SOHLH2: variants seen among roughly 807,000 people sequenced by gnomAD.
SOHLH2 encodes the protein spermatogenesis- and oogenesis-specific basic helix-loop-helix-containing protein 2.
Under a neutral mutation model 50.4 loss-of-function variants are expected in SOHLH2, and 22 were observed. The ratio of observed to expected loss-of-function variants is 0.44; its 90% confidence interval spans 0.31 to 0.62. SOHLH2 has a LOEUF of 0.62. Ranked by LOEUF, SOHLH2 falls within the 20% of genes least tolerant of loss-of-function variation. SOHLH2 has a pLI of 0.08. For synonymous variants in SOHLH2, 185 were observed against 187.3 expected (o/e 0.99, Z 0.10); for missense variants, 412 against 504.4 (o/e 0.82, Z 1.76).
chr13:36,203,871 CT>C (rs1333560307), intron 1 of SOHLH2, among the ~76,000 whole-genome samples: 2 of 150,706 alleles, frequency 1.3e-5, no homozygotes, highest in East Asian at 3.9e-4. Flanking sequence ...TTTCTTATTG[CT>C]TTGTGGGAGT....
chr13:36,181,926 G>T, intron 6 of SOHLH2: 1 of 678,864 alleles, frequency 1.5e-6, no homozygotes, highest in Non-Finnish European at 1.8e-6. Context: ...TGAAGATAAA[G>T]GGAAATAATA....
intron 1 of SOHLH2, among the ~76,000 whole-genome samples, chr13:36,207,977 CT>C (rs1258440376): frequency 1.3e-5 from 2 of 152,200 alleles, no homozygotes; most frequent in African/African-American, 4.8e-5. Flanking sequence ...TGTTAAGTCA[CT>C]TGTTTATCCT....
chr13:36,184,523 T>A (rs975731276), intron 6 of SOHLH2, among the ~76,000 whole-genome samples: 6 of 145,796 alleles, frequency 4.1e-5, no homozygotes, highest in Non-Finnish European at 9.0e-5. Context: ...ACAGTGGCGC[T>A]ATCTCGGCTC....
At chr13:36,194,546 G>A (rs543984788) in intron 2 of SOHLH2, among the ~76,000 whole-genome samples, 18 of 152,208 alleles carry the variant, frequency 1.2e-4, no homozygotes, top group African/African-American at 4.1e-4. Flanking sequence ...GTGGGTAACC[G>A]CTGAGGCTAC....
chr13:36,187,835 C>T (rs114046706), intron 6 of SOHLH2, among the ~76,000 whole-genome samples: 298 of 152,252 alleles, frequency 2.0e-3, no homozygotes, highest in African/African-American at 6.5e-3. Flanking sequence ...TCATCAGCTG[C>T]GGGGGATTAA....
At chr13:36,214,167 A>C (rs1176258136) in intron 1 of SOHLH2, among the ~76,000 whole-genome samples, 1 of 151,998 alleles carries the variant, frequency 6.6e-6, no homozygotes, top group East Asian at 1.9e-4. Context: ...TTTCTTTATA[A>C]CACGATTCAG....
intron 6 of SOHLH2, among the ~76,000 whole-genome samples, chr13:36,186,978 G>A (rs888111449): frequency 1.3e-5 from 2 of 152,144 alleles, no homozygotes; most frequent in Non-Finnish European, 2.9e-5. Context: ...CAGATTCACA[G>A]GCATGGTCAG....
At chr13:36,207,838 C>G (rs111942031) in intron 1 of SOHLH2, among the ~76,000 whole-genome samples, 1,872 of 152,260 alleles carry the variant, frequency 0.012, 35 homozygotes, top group African/African-American at 0.042. Context: ...TAGACTGGAA[C>G]TATAGATTTT....
chr13:36,174,111 T>C (rs1300070524), intron 8 of SOHLH2, among the ~76,000 whole-genome samples: 1 of 152,128 alleles, frequency 6.6e-6, no homozygotes, highest in Non-Finnish European at 1.5e-5. Flanking sequence ...CTAATTGAAA[T>C]AGGGCTGGAC....
intron 2 of SOHLH2, among the ~76,000 whole-genome samples, chr13:36,201,394 T>G (rs1442040585): frequency 6.6e-6 from 1 of 152,150 alleles, no homozygotes; most frequent in Non-Finnish European, 1.5e-5. Context: ...ATTTTCAAGT[T>G]AAAATAATTC....
In SOHLH2 at chr13:36,170,570, A is replaced by G. The variant is rs1245222720; in HGVS notation, c.1218T>C (p.Ser406=). The stretch of plus-strand genomic sequence containing the variant: ...GTGTAGTGCACGTCTGGCCCAACCC[A>G]GAAGTGCAGTGCCGAGGGAGAAGCT... ...VSKLLPRHCT[S]GLGQTCTTHP... is the part of the protein sequence containing the mutation. The change falls in exon 10 of 11, where the codon TCT becomes TCC. Residue 406 remains serine (S), a synonymous_variant. Transcript: ENST00000379881. The G allele has an allele frequency of 1.9e-6, 3 of 1,614,158 alleles. No homozygotes were observed. Among genetic ancestry groups the G allele is most frequent in the Non-Finnish European group, 2.5e-6 (3 of 1,179,994 alleles).
At chr13:36,174,677 A>G in intron 7 of SOHLH2, 45 bp downstream of exon 7, 1 of 1,595,928 alleles carries the variant, frequency 6.3e-7, no homozygotes, top group Non-Finnish European at 8.5e-7. Context: ...GTAGTATTAA[A>G]GCATGTCTAT....
chr13:36,181,625 T>C (rs1364677936), intron 6 of SOHLH2, among the ~76,000 whole-genome samples: 1 of 152,204 alleles, frequency 6.6e-6, no homozygotes, highest in Non-Finnish European at 1.5e-5. Flanking sequence ...TCATTCTTCA[T>C]GTAATAGTCA....
chr13:36,214,370 C>T (rs940467750), intron 1 of SOHLH2, 109 bp downstream of exon 1: 6 of 1,355,312 alleles, frequency 4.4e-6, no homozygotes, highest in East Asian at 2.5e-5. Flanking sequence ...CACAGTTCCC[C>T]GACAATGAGA....
chr13:36,193,473 C>A, intron 4 of SOHLH2, 148 bp downstream of exon 4: 1 of 994,004 alleles, frequency 1.0e-6, no homozygotes. Flanking sequence ...ACATTCTAAA[C>A]CTCTGAAGAT....
intron 6 of SOHLH2, chr13:36,182,404 T>A: frequency 2.2e-6 from 1 of 451,718 alleles, no homozygotes; most frequent in Non-Finnish European, 2.9e-6. Flanking sequence ...GTGCCTGCTT[T>A]AATCAAAAGA....
chr13:36,191,769 A>G (rs377597050), intron 5 of SOHLH2, 26 bp downstream of exon 5: 5 of 1,612,342 alleles, frequency 3.1e-6, no homozygotes, highest in Non-Finnish European at 4.2e-6. Context: ...AAATATTGCT[A>G]TTATGAAAAA....
intron 1 of SOHLH2, among the ~76,000 whole-genome samples, 155 bp downstream of exon 1, chr13:36,214,324 G>A (rs957216543): frequency 1.3e-5 from 2 of 152,008 alleles, no homozygotes; most frequent in Non-Finnish European, 2.9e-5. Context: ...GAGTGGACTC[G>A]CGTCCTGGAA....
At chr13:36,186,385 T>G (rs540720993) in intron 6 of SOHLH2, among the ~76,000 whole-genome samples, 4 of 152,312 alleles carry the variant, frequency 2.6e-5, no homozygotes, top group South Asian at 4.1e-4. Context: ...AAGGCACGGA[T>G]GTCTACTTGG....
Sources: allele counts gnomAD v4.1 joint callset (sites outside exome capture counted in the v4.1 genomes callset), GRCh38; gene constraint gnomAD v4.1.1; transcripts MANE v1.5; gene names NCBI Gene and HGNC (gene_info 2026-07-23, HGNC 2026-07-21).